CMA1: variants seen among roughly 807,000 people sequenced by gnomAD.
CMA1 encodes the protein chymase 1.
A neutral mutation model predicts 18.8 loss-of-function variants in CMA1; 24 were observed. The observed-to-expected ratio is 1.28, with a 90% CI of 0.92 to 1.80. The LOEUF is 1.80. Among genes scored for constraint, CMA1 ranks in the 40% most tolerant of loss-of-function variants. CMA1 has a pLI of 0.00. For missense variants in CMA1, 421 were observed against 302.8 expected, an observed-to-expected ratio of 1.39 and a Z score of -2.90; for synonymous variants, 152 against 117.0, an observed-to-expected ratio of 1.30 and a Z score of -1.93.
intron 4 of CMA1, 28 bp from the exon 5 acceptor site, chr14:24,505,687 G>A (rs1340069873): frequency 6.3e-7 from 1 of 1,575,924 alleles, no homozygotes; most frequent in Admixed American, 1.8e-5. Flanking sequence ...AGAGAAGAAG[G>A]TGAGCCCGGG....
At chr14:24,506,304 G>C in intron 3 of CMA1, 22 bp from the exon 4 acceptor site, 1 of 1,609,472 alleles carries the variant, frequency 6.2e-7, no homozygotes, top group East Asian at 2.2e-5. Context: ...ATGAAGGACT[G>C]TCAGTCCTCG....
At chr14:24,506,419 A>G (rs548184983) in intron 3 of CMA1, 50 bp downstream of exon 3, 1 of 1,609,052 alleles carries the variant, frequency 6.2e-7, no homozygotes, top group South Asian at 1.1e-5. Context: ...GACCTGAAGG[A>G]GAAGCTTAGG....
chr14:24,506,739 G>A, intron 2 of CMA1, 135 bp from the exon 3 acceptor site: 1 of 1,035,732 alleles, frequency 9.7e-7, no homozygotes, highest in Non-Finnish European at 1.4e-6. Flanking sequence ...CCTTTTCATG[G>A]GCCACTTGTG....
rs767494660 is a variant in CMA1, at chr14:24,507,455, G to A, written c.110C>T (p.Ala37Val). Residue 37 changes from alanine to valine, a missense_variant, in exon 2 of 5, where the codon GCC becomes GTC. Transcript: ENST00000250378. ...GTTGGAAGTTACAATTTCCAGGTAG[G>A]CCATGTAGGGGCGGGAATGTGGCTT... ...ECKPHSRPYM[A>V]YLEIVTSNGP... The A allele has an allele frequency of 9.9e-6, 16 of 1,614,180 alleles. No individual in the cohort carries two copies. Among genetic ancestry groups the A allele is most frequent in the Non-Finnish European group, 1.3e-5 (15 of 1,180,028 alleles).
Position 24,506,054 on chromosome 14 carries a change from G to A in CMA1, c.574C>T (p.Pro192Ser). The A allele has an allele frequency of 6.2e-7, 1 of 1,614,192 alleles. No individual in the cohort carries two copies. Among genetic ancestry groups the A allele is most frequent in the Non-Finnish European group, 8.5e-7 (1 of 1,180,034 alleles). The change falls in exon 4 of 5, where the codon CCC becomes TCC. Residue 192 changes from proline (P) to serine (S), a missense_variant. Transcript: ENST00000250378. ...TTAAATGCAGATTTTGTCTTCCTGG[G>A]ATTGCCCACACACAGCTGAAGATTG... ...DHNLQLCVGN[P>S]RKTKSAFKGD... is the part of the protein sequence containing the mutation.
rs200210391 is a variant in CMA1, at chr14:24,507,388, G to T, written c.177C>A (p.Asn59Lys). The T allele has an allele frequency of 3.1e-6, 5 of 1,614,160 alleles. No homozygotes were observed. In the African/African-American group the frequency reaches 5.3e-5, roughly 17 times the overall value. ...KFCGGFLIRR[N>K]FVLTAAHCAG... is the part of the protein sequence containing the mutation. ...CACAATGAGCAGCCGTCAGCACAAA[G>T]TTCCGTCTTATAAGGAAACCACCAC... Residue 59 changes from asparagine (N) to lysine (K), a missense_variant, in exon 2 of 5, where the codon AAC (asparagine) becomes AAA (lysine). Transcript: ENST00000250378.
Position 24,507,381 on chromosome 14 carries a change from G to A in CMA1, c.184C>T (p.Leu62=). ...GGFLIRRNFV[L]TAAHCAGRSI... ...CTTCCTGCACAATGAGCAGCCGTCAGCACAAAGTTCCGTCTTATAAGGAAA... is the reference window on the plus strand; with the variant it reads ...CTTCCTGCACAATGAGCAGCCGTCAACACAAAGTTCCGTCTTATAAGGAAA... The change falls in exon 2 of 5, where the codon CTG becomes TTG. Residue 62 remains leucine (L), a synonymous_variant. Transcript: ENST00000250378. The A allele has an allele frequency of 6.2e-7, 1 of 1,614,184 alleles. No homozygotes were observed. Among genetic ancestry groups the A allele is most frequent in the East Asian group, 2.2e-5 (1 of 44,882 alleles).
intron 1 of CMA1, 49 bp from the exon 2 acceptor site, chr14:24,507,555 C>T (rs1252579418): frequency 2.5e-6 from 4 of 1,572,560 alleles, no homozygotes; most frequent in African/African-American, 2.7e-5. Context: ...ATACTCTCTC[C>T]AATGAATGGA....
In CMA1 at chr14:24,506,456, G is replaced by C; in HGVS notation, c.345+13C>G. On this transcript the variant is annotated intron_variant, in intron 3 of 4. Transcript: ENST00000250378. ...GAATGGGAAGTGGAAAGGGAGAAGA[G>C]AGGTGTTGTCACCTTTAGTAACATG... 1 of 1,613,982 alleles carries C rather than the reference G, an allele frequency of 6.2e-7. No individual in the cohort carries two copies. Among genetic ancestry groups the C allele is most frequent in the Admixed American group, 1.7e-5 (1 of 60,024 alleles).
chr14:24,508,120 C>T, intron 1 of CMA1, 58 bp downstream of exon 1: 1 of 1,505,036 alleles, frequency 6.6e-7, no homozygotes, highest in Non-Finnish European at 9.2e-7. Flanking sequence ...TCAGACTAAA[C>T]ATCTTTGTTT....
chr14:24,506,031 A>G lies in CMA1; in HGVS notation c.597T>C (p.Phe199=), dbSNP rs1334132408. ...GGAAACCTAGTTGGAGGATCACCTT[A>G]AATGCAGATTTTGTCTTCCTGGGAT... is the stretch of plus-strand genomic sequence containing the variant. The part of the protein sequence containing the change: ...VGNPRKTKSA[F]KGDSGGPLLC... The change falls in exon 4 of 5, where the codon TTT becomes TTC. Residue 199 remains phenylalanine (F), a synonymous_variant. Coordinates refer to ENST00000250378, the MANE Select transcript of CMA1 (RefSeq NM_001836.5). 6.2e-6 allele frequency: 10 copies of G among 1,614,072 alleles called. No individual in the cohort carries two copies. The highest frequency in any genetic ancestry group is 6.8e-6 in the Non-Finnish European group (8 of 1,179,974).
At position 24,506,105 on chromosome 14, in the gene CMA1, A is replaced by C; in HGVS notation, c.523T>G (p.Cys175Gly). ...VKLRLMDPQA[C>G]SHFRDFDHNL... is the part of the protein sequence containing the mutation. ...TGGTCAAAGTCTCTGAAGTGGCTGCAGGCCTGGGGATCCATGAGTCTCAGC... is the reference window on the plus strand; with the variant it reads ...TGGTCAAAGTCTCTGAAGTGGCTGCCGGCCTGGGGATCCATGAGTCTCAGC... The change falls in exon 4 of 5, where the codon TGC (cysteine) becomes GGC (glycine). Residue 175 changes from cysteine (C) to glycine (G), a missense_variant. Coordinates refer to ENST00000250378, the MANE Select transcript of CMA1 (RefSeq NM_001836.5). 6.2e-7 allele frequency: 1 copy of C among 1,614,216 alleles called. No individual in the cohort carries two copies. Among genetic ancestry groups the C allele is most frequent in the Non-Finnish European group, 8.5e-7 (1 of 1,180,038 alleles).
Position 24,506,422 on chromosome 14 carries a change from A to G in CMA1, c.345+47T>C, listed in dbSNP as rs778968944. 1.2e-5 allele frequency: 20 copies of G among 1,609,728 alleles called. No individual in the cohort carries two copies. In the South Asian group the frequency reaches 1.6e-4, roughly 12 times the overall value. Reference sequence around the variant, plus strand: ...CAGGGCAATGAGGACCTGAAGGAGAAGCTTAGGAGAATGGGAAGTGGAAAG... The same window carrying G: ...CAGGGCAATGAGGACCTGAAGGAGAGGCTTAGGAGAATGGGAAGTGGAAAG... On this transcript the variant is annotated intron_variant, in intron 3 of 4. Transcript: ENST00000250378.
At chr14:24,507,241 C>T (rs935600509) in intron 2 of CMA1, 115 bp downstream of exon 2, 20 of 1,261,056 alleles carry the variant, frequency 1.6e-5, no homozygotes, top group Non-Finnish European at 2.2e-5. Context: ...CTTCCCTCTC[C>T]TGAAAGTTGA....
intron 4 of CMA1, among the ~76,000 whole-genome samples, 161 bp from the exon 5 acceptor site, chr14:24,505,820 C>T (rs959451307): frequency 6.6e-5 from 10 of 152,114 alleles, no homozygotes; most frequent in Non-Finnish European, 1.5e-4. Flanking sequence ...TTCTTGGGAC[C>T]GTCATCCACA....
In CMA1 at chr14:24,507,413, C is replaced by A; in HGVS notation, c.152G>T (p.Cys51Phe). ...GTTCCGTCTTATAAGGAAACCACCA[C>A]AAAATTTTGAGGGACCGTTGGAAGT... is the stretch of plus-strand genomic sequence containing the variant. ...IVTSNGPSKFCGGFLIRRNFV... is the reference protein window; with the variant it reads ...IVTSNGPSKFFGGFLIRRNFV... Residue 51 changes from cysteine (C) to phenylalanine (F), a missense_variant, in exon 2 of 5, where the codon TGT becomes TTT. Physicochemically the swap from Cys to Phe is radical, Grantham distance 205 (BLOSUM62 -2). Transcript: ENST00000250378. The A allele has an allele frequency of 6.2e-7, 1 of 1,614,158 alleles. No homozygotes were observed. Among genetic ancestry groups the A allele is most frequent in the Non-Finnish European group, 8.5e-7 (1 of 1,180,024 alleles).
In CMA1 at chr14:24,505,408, G is replaced by T; in HGVS notation, c.*108C>A. On this transcript the variant is annotated 3_prime_UTR_variant, in exon 5 of 5. Transcript: ENST00000250378. ...TGTGACCTGTAGGATACTTCTGGAG[G>T]CTTAGGGTTGTGGCTGAGGGACCAA... 1 of 1,415,226 alleles carries T rather than the reference G, an allele frequency of 7.1e-7. No homozygotes were observed. The highest frequency in any genetic ancestry group is 9.9e-7 in the Non-Finnish European group (1 of 1,005,904). 87.7% of individuals were successfully genotyped at this position (1,415,226 alleles called of 1,614,324 possible).
Position 24,505,375 on chromosome 14 carries a change from G to C in CMA1, c.*141C>G. 1.9e-6 allele frequency: 2 copies of C among 1,051,670 alleles called. No homozygotes were observed. The highest frequency in any genetic ancestry group is 2.9e-6 in the Non-Finnish European group (2 of 698,882). 65.1% of individuals were successfully genotyped at this position (1,051,670 alleles called of 1,614,324 possible). A position where few individuals can be genotyped will look rare whatever the true frequency, so the allele number is the denominator to read the frequency against. On this transcript the variant is annotated 3_prime_UTR_variant, in exon 5 of 5. Transcript: ENST00000250378. Reference sequence around the variant, plus strand: ...AGCTGTGTCTTCACTGAGGTTTATTGAGAGTTCTGTGACCTGTAGGATACT... The same window carrying C: ...AGCTGTGTCTTCACTGAGGTTTATTCAGAGTTCTGTGACCTGTAGGATACT...
At position 24,506,541 on chromosome 14, in the gene CMA1, A is replaced by C. The variant is rs1271928557; in HGVS notation, c.273T>G (p.Leu91=). The C allele has an allele frequency of 1.2e-6, 2 of 1,613,788 alleles. No homozygotes were observed. Among genetic ancestry groups the C allele is most frequent in the African/African-American group, 2.7e-5 (2 of 74,872 alleles). The change falls in exon 3 of 5, where the codon CTT becomes CTG. Residue 91 remains leucine, a synonymous_variant. Coordinates refer to ENST00000250378, the MANE Select transcript of CMA1 (RefSeq NM_001836.5). ...GATGACGGAATTGCTTTATAACCTC[A>C]AGCTTCTGCCATGTGTCTTCTTCCT... The part of the protein sequence containing the change: ...ITEEEDTWQK[L]EVIKQFRHPK...
Sources: allele counts gnomAD v4.1 joint callset (sites outside exome capture counted in the v4.1 genomes callset), GRCh38; gene constraint gnomAD v4.1.1; transcripts MANE v1.5; gene names NCBI Gene and HGNC (gene_info 2026-07-23, HGNC 2026-07-21).